Variants in STXBP6 observed in about 807,000 individuals in gnomAD.
STXBP6 encodes the protein syntaxin binding protein 6, also known as syntaxin-binding protein 6.
In STXBP6, 21 loss-of-function variants were observed where a neutral mutation model predicts 26.9. That is an observed-to-expected ratio of 0.78 (90% CI 0.55 to 1.12). STXBP6 has a LOEUF of 1.12. STXBP6 is among the 50% of genes most tolerant of loss of function. The probability of loss-of-function intolerance (pLI) is 0.00; values close to 1 mark genes in which losing one functional copy is unlikely to be tolerated. For missense variants in STXBP6, 232 were observed against 257.9 expected (o/e 0.90, Z 0.69); for synonymous variants, 97 against 92.6 (o/e 1.05, Z -0.27).
intron 2 of STXBP6, among the ~76,000 whole-genome samples, chr14:24,949,762 C>T (rs923692388): frequency 6.6e-6 from 1 of 152,082 alleles, no homozygotes; most frequent in Non-Finnish European, 1.5e-5. Context: ...TGTAACATAA[C>T]TGGATATGTA....
At chr14:24,857,278 G>A (rs2069371586) in intron 2 of STXBP6, 121 bp from the exon 3 acceptor site, 2 of 1,269,122 alleles carry the variant, frequency 1.6e-6, no homozygotes, top group Non-Finnish European at 1.1e-6. Context: ...GAAGGCAGAG[G>A]GGGAAAGGAG....
rs538442287 is a variant in STXBP6 at position 25,016,785 on chromosome 14, T to A, written c.-33+33093A>T. 4.6e-5 allele frequency among the ~76,000 whole-genome samples: 7 copies of A among 152,196 alleles called. No individual in the cohort carries two copies. The South Asian group carries it at 1.5e-3, about 32-fold the overall frequency. ...TAAAACTTTAAAAAAATAAACAATA[T>A]ATTCCAGGCTACAAGGAAGCATGTA... On this transcript the variant is annotated intron_variant, in intron 1 of 5. Coordinates refer to ENST00000323944, the MANE Select transcript of STXBP6 (RefSeq NM_001394410.1).
At chr14:24,858,885 A>T (rs567692868) in intron 2 of STXBP6, among the ~76,000 whole-genome samples, 13 of 152,248 alleles carry the variant, frequency 8.5e-5, no homozygotes, top group Non-Finnish European at 1.2e-4. Context: ...TTAGACACAC[A>T]CCCCTAAATG....
rs1004751382 is a variant in STXBP6 at position 24,936,135 on chromosome 14, G to A, written c.154+38530C>T. On this transcript the variant is annotated intron_variant, in intron 2 of 5. Transcript: ENST00000323944. ...TTCCACTGACTAGAGCCCTGTGTTA[G>A]ATCAGAGTTAAACTTTACAGCCATT... Among the ~76,000 whole-genome samples the A allele has an allele frequency of 6.6e-5, 10 of 152,314 alleles. No individual in the cohort carries two copies. The East Asian group carries it at 1.9e-3, about 29-fold the overall frequency.
intron 2 of STXBP6, among the ~76,000 whole-genome samples, chr14:24,919,605 A>G (rs768656014): frequency 2.2e-4 from 33 of 151,834 alleles, no homozygotes; most frequent in Non-Finnish European, 4.4e-4. Flanking sequence ...TTGGTATCTA[A>G]GAGGAGTTAT....
In STXBP6 at chr14:24,810,225, CAAATG is replaced by C. The variant is rs1335661854; in HGVS notation, c.*2479_*2483del. ...TTCATAGAGAAGTGCAGAAATGAAA[CAAATG>C]AAATGTCTTCTGACAAGCTCAACCA... On this transcript the variant is annotated 3_prime_UTR_variant, in exon 6 of 6. Coordinates refer to ENST00000323944, the MANE Select transcript of STXBP6 (RefSeq NM_001394410.1). 6.6e-6 allele frequency: 1 copy of C among 152,080 alleles called. No individual in the cohort carries two copies. Among genetic ancestry groups the C allele is most frequent in the East Asian group, 1.9e-4 (1 of 5,204 alleles). 9.4% of individuals were successfully genotyped at this position (152,080 alleles called of 1,614,324 possible).
chr14:24,968,039 A>G (rs2073788827), intron 2 of STXBP6, among the ~76,000 whole-genome samples: 1 of 152,100 alleles, frequency 6.6e-6, no homozygotes, highest in Non-Finnish European at 1.5e-5. Context: ...CATACCACCC[A>G]ATAAATAGGG....
At chr14:24,862,916 T>C (rs1282794932) in intron 2 of STXBP6, among the ~76,000 whole-genome samples, 1 of 152,144 alleles carries the variant, frequency 6.6e-6, no homozygotes, top group Non-Finnish European at 1.5e-5. Context: ...GTTTTAATGC[T>C]TCCATATGCC....
At chr14:24,858,768 G>A (rs1439669936) in intron 2 of STXBP6, among the ~76,000 whole-genome samples, 5 of 151,994 alleles carry the variant, frequency 3.3e-5, no homozygotes, top group East Asian at 1.9e-4. Flanking sequence ...CTGCTCTTAC[G>A]TTTTAATGTT....
intron 2 of STXBP6, among the ~76,000 whole-genome samples, chr14:24,951,981 T>C (rs1429462391): frequency 6.6e-6 from 1 of 151,624 alleles, no homozygotes; most frequent in Non-Finnish European, 1.5e-5. Flanking sequence ...ATTGTTGTGA[T>C]ACTGGTATTT....
At position 25,049,824 on chromosome 14, in the gene STXBP6, C is replaced by T. The variant is rs1218183629; in HGVS notation, c.-33+54G>A. 2.0e-6 allele frequency: 2 copies of T among 985,768 alleles called. No individual in the cohort carries two copies. Among genetic ancestry groups the T allele is most frequent in the Non-Finnish European group, 2.4e-6 (2 of 830,352 alleles). 61.1% of individuals were successfully genotyped at this position (985,768 alleles called of 1,614,324 possible). A position where few individuals can be genotyped will look rare whatever the true frequency, so the allele number is the denominator to read the frequency against. ...ACAGCCGTGGCGGCTGCAACCGCAT[C>T]TCCCGGGCTTGGCCTCCGCCCTGAC... On this transcript the variant is annotated intron_variant, in intron 1 of 5. Coordinates refer to ENST00000323944, the MANE Select transcript of STXBP6 (RefSeq NM_001394410.1). This position sits in a 1 kb window ranked among gnomAD's most constrained non-coding sequence, Gnocchi z 5.6.
Position 25,049,984 on chromosome 14 carries a change from A to G in STXBP6, c.-139T>C. 3 of 535,384 alleles carry G rather than the reference A, an allele frequency of 5.6e-6. No individual in the cohort carries two copies. The highest frequency in any genetic ancestry group is 1.8e-4 in the South Asian group (2 of 10,834). 33.2% of individuals were successfully genotyped at this position (535,384 alleles called of 1,614,324 possible). A position where few individuals can be genotyped will look rare whatever the true frequency, so the allele number is the denominator to read the frequency against. The stretch of plus-strand genomic sequence containing the variant: ...CCGCGCGGGGCTCCGGGCTCCGGAC[A>G]AGGCTTAGCCGGCCCGGGTGCTGGC... On this transcript the variant is annotated 5_prime_UTR_variant, in exon 1 of 6. Transcript: ENST00000323944. The surrounding 1 kb of genome is among the most constrained non-coding windows in gnomAD (Gnocchi z 5.6).
chr14:24,814,382 A>G (rs1225182778), intron 5 of STXBP6, among the ~76,000 whole-genome samples: 2 of 152,248 alleles, frequency 1.3e-5, no homozygotes, highest in Non-Finnish European at 1.5e-5. Context: ...ACATCAACAC[A>G]GAGTGGTTAA....
chr14:24,849,055 A>T lies in STXBP6; in HGVS notation c.451+6881T>A, dbSNP rs1003127380. 5.3e-5 allele frequency among the ~76,000 whole-genome samples: 8 copies of T among 152,304 alleles called. 2 individuals are homozygous for T. Among genetic ancestry groups the T allele is most frequent in the Admixed American group, 3.9e-4 (6 of 15,288 alleles). ...CTATAAAAACATTTGTGTTTGATGC[A>T]GTGGGTACACTGCTGGGGTCCCAAT... On this transcript the variant is annotated intron_variant, in intron 4 of 5. Coordinates refer to ENST00000323944, the MANE Select transcript of STXBP6 (RefSeq NM_001394410.1).
intron 1 of STXBP6, among the ~76,000 whole-genome samples, chr14:25,041,605 T>A (rs1448342512): frequency 6.7e-6 from 1 of 148,620 alleles, no homozygotes; most frequent in Non-Finnish European, 1.5e-5. Context: ...CTCACTGATA[T>A]ACGCCCTATC....
intron 2 of STXBP6, among the ~76,000 whole-genome samples, chr14:24,915,564 C>T (rs2071735905): frequency 6.6e-6 from 1 of 152,106 alleles, no homozygotes; most frequent in Non-Finnish European, 1.5e-5. Context: ...AGAAGCTAAG[C>T]TCTGAAGACA....
intron 2 of STXBP6, 101 bp from the exon 3 acceptor site, chr14:24,857,258 A>G: frequency 2.0e-6 from 3 of 1,470,034 alleles, no homozygotes; most frequent in Non-Finnish European, 2.8e-6. Context: ...TATATGCACA[A>G]TAACAGAGAG....
Position 24,934,364 on chromosome 14 carries a change from C to T in STXBP6, c.154+40301G>A, listed in dbSNP as rs73593461. Among the ~76,000 whole-genome samples the T allele has an allele frequency of 1.8e-3, 279 of 152,194 alleles. 1 individual carries two copies. The highest frequency in any genetic ancestry group is 4.5e-3 in the African/African-American group (189 of 41,548). On this transcript the variant is annotated intron_variant, in intron 2 of 5. Transcript: ENST00000323944. Reference sequence around the variant, plus strand: ...GCTTCTTCCTGGCAACATTCAGTGACAGAAGTCAGTAAAACAACTAGAAAG... The same window carrying T: ...GCTTCTTCCTGGCAACATTCAGTGATAGAAGTCAGTAAAACAACTAGAAAG...
chr14:25,018,047 C>T (rs896910813), intron 1 of STXBP6, among the ~76,000 whole-genome samples: 8 of 152,146 alleles, frequency 5.3e-5, no homozygotes, highest in African/African-American at 1.9e-4. Flanking sequence ...CCATACACTG[C>T]CCCCCTGCTC....
Sources: allele counts gnomAD v4.1 joint callset (sites outside exome capture counted in the v4.1 genomes callset), GRCh38; gene constraint gnomAD v4.1.1; non-coding constraint Gnocchi (gnomAD v3.1); transcripts MANE v1.5; gene names NCBI Gene and HGNC (gene_info 2026-07-23, HGNC 2026-07-21).